The following SLC6A3 variants were observed in gnomAD, a reference collection of about 807,000 sequenced individuals.
SLC6A3 encodes solute carrier family 6 member 3.
Under a neutral mutation model 70.4 loss-of-function variants are expected in SLC6A3, and 19 were observed. The observed-to-expected ratio is 0.27, with a 90% CI of 0.19 to 0.40. The LOEUF is 0.40. SLC6A3 is among the 10% of genes least tolerant of loss of function. SLC6A3 has a pLI of 1.00. For synonymous variants in SLC6A3, 368 were observed against 356.6 expected (o/e 1.03, Z -0.36); for missense variants, 613 against 838.5 (o/e 0.73, Z 3.32).
chr5:1,405,269 A>G lies in SLC6A3; in HGVS notation c.1599+919T>C, dbSNP rs538519612. Reference sequence around the variant, plus strand: ...TCCTCCGGGATAGGGCCTGTCTCTCATCTCTTTCCTGTACCCCGGAACCCC... The same window carrying G: ...TCCTCCGGGATAGGGCCTGTCTCTCGTCTCTTTCCTGTACCCCGGAACCCC... On this transcript the variant is annotated intron_variant, in intron 12 of 14. Transcript: ENST00000270349. The surrounding 1 kb of genome is among the most constrained non-coding windows in gnomAD (Gnocchi z 5.3). 3.9e-5 allele frequency among the ~76,000 whole-genome samples: 6 copies of G among 152,218 alleles called. No individual in the cohort carries two copies. The highest frequency in any genetic ancestry group is 1.4e-4 in the African/African-American group (6 of 41,542).
chr5:1,410,879 T>C (rs1756103316), intron 9 of SLC6A3, among the ~76,000 whole-genome samples: 1 of 151,918 alleles, frequency 6.6e-6, no homozygotes, highest in African/African-American at 2.4e-5. Flanking sequence ...TGCATGTGTG[T>C]ATGTGTGTGC....
At chr5:1,423,948 C>T (rs1167688757) in intron 4 of SLC6A3, among the ~76,000 whole-genome samples, 3 of 152,218 alleles carry the variant, frequency 2.0e-5, no homozygotes, top group Admixed American at 2.0e-4. Context: ...GGAGCCCGGC[C>T]GAATGCAGCC....
chr5:1,409,221 C>T, intron 10 of SLC6A3, 96 bp from the exon 11 acceptor site: 2 of 895,814 alleles, frequency 2.2e-6, no homozygotes, highest in Non-Finnish European at 3.6e-6. Flanking sequence ...GTTTCACTCA[C>T]TGCAAAACTC....
intron 4 of SLC6A3, among the ~76,000 whole-genome samples, chr5:1,427,156 T>C (rs575840430): frequency 2.8e-4 from 42 of 152,374 alleles, no homozygotes; most frequent in African/African-American, 9.6e-4. Context: ...AAAACATTTC[T>C]TTGTTAGATT....
rs949419603 is a variant in SLC6A3 at position 1,437,175 on chromosome 5, C to T, written c.418+4184G>A. ...CTGGGGCAGGAGAATCGCTTGAACC[C>T]GGGACGCGCAGGTGACAGTGAGCCA... On this transcript the variant is annotated intron_variant, in intron 3 of 14. Coordinates refer to ENST00000270349, the MANE Select transcript of SLC6A3 (RefSeq NM_001044.5). The surrounding 1 kb of genome is among the most constrained non-coding windows in gnomAD (Gnocchi z 4.8). Among the ~76,000 whole-genome samples, 5 of 151,592 alleles carry T rather than the reference C, an allele frequency of 3.3e-5. No individual in the cohort carries two copies. The highest frequency in any genetic ancestry group is 6.6e-5 in the Admixed American group (1 of 15,244).
At position 1,406,122 on chromosome 5, in the gene SLC6A3, G is replaced by A. The variant is rs765641645; in HGVS notation, c.1599+66C>T. On this transcript the variant is annotated intron_variant, in intron 12 of 14. Coordinates refer to ENST00000270349, the MANE Select transcript of SLC6A3 (RefSeq NM_001044.5). This position sits in a 1 kb window ranked among gnomAD's most constrained non-coding sequence, Gnocchi z 8.8. ...AACCCACATGCGGGCGCTGGACCTCGGGGCAGGTGCCAGAGTGGGGGCAGT... is the reference window on the plus strand; with the variant it reads ...AACCCACATGCGGGCGCTGGACCTCAGGGCAGGTGCCAGAGTGGGGGCAGT... 2.4e-5 allele frequency: 29 copies of A among 1,204,084 alleles called. No individual in the cohort carries two copies. The East Asian group carries it at 2.8e-4, about 12-fold the overall frequency. The allele number at this position is 1,204,084 out of a possible 1,614,324, so 74.6% of individuals were successfully genotyped here. A position where few individuals can be genotyped will look rare whatever the true frequency, so the allele number is the denominator to read the frequency against.
In SLC6A3 at chr5:1,442,383, T is replaced by C. The variant is rs1161831029; in HGVS notation, c.286+529A>G. On this transcript the variant is annotated intron_variant, in intron 2 of 14. Transcript: ENST00000270349. This position sits in a 1 kb window ranked among gnomAD's most constrained non-coding sequence, Gnocchi z 5.0. ...AGGCTGGGAGGCCCAAAGAGGCTCCTGGGAAGGGATCACCAATGTTCTTGG... is the reference window on the plus strand; with the variant it reads ...AGGCTGGGAGGCCCAAAGAGGCTCCCGGGAAGGGATCACCAATGTTCTTGG... Among the ~76,000 whole-genome samples the C allele has an allele frequency of 6.6e-6, 1 of 152,064 alleles. No individual in the cohort carries two copies. Among genetic ancestry groups the C allele is most frequent in the Admixed American group, 6.5e-5 (1 of 15,284 alleles).
rs753423546 is a variant in SLC6A3, at chr5:1,420,676, A to T, written c.820T>A (p.Tyr274Asn). 1 of 1,613,596 alleles carries T rather than the reference A, an allele frequency of 6.2e-7. No individual in the cohort carries two copies. The highest frequency in any genetic ancestry group is 8.5e-7 in the Non-Finnish European group (1 of 1,179,932). ...KVVWITATMP[Y>N]VVLTALLLRG... ...AGGAGCAGGGCAGTGAGGACCACGT[A>T]TGGCATGGTGGCTGTGATCCATACC... The change falls in exon 6 of 15, where the codon TAC becomes AAC. Residue 274 changes from tyrosine (Y) to asparagine (N), a missense_variant. Tyr to Asn is a moderately radical substitution (Grantham distance 143). This residue lies in a region of SLC6A3 where 348 missense variants were observed against 481.2 expected (regional missense o/e 0.72). Transcript: ENST00000270349.
intron 4 of SLC6A3, among the ~76,000 whole-genome samples, chr5:1,431,379 G>A (rs1292596116): frequency 6.6e-6 from 1 of 152,228 alleles, no homozygotes; most frequent in African/African-American, 2.4e-5. Flanking sequence ...GGGCGGGCCT[G>A]GCCTGGGTGG....
chr5:1,441,882 C>T (rs28382225), intron 2 of SLC6A3, among the ~76,000 whole-genome samples: 3 of 152,098 alleles, frequency 2.0e-5, no homozygotes, highest in African/African-American at 4.8e-5. Flanking sequence ...AATCTGTGAC[C>T]CCCCAACTCT....
At chr5:1,416,857 CAT>C (rs1756308789) in intron 6 of SLC6A3, among the ~76,000 whole-genome samples, 1 of 152,048 alleles carries the variant, frequency 6.6e-6, no homozygotes, top group African/African-American at 2.4e-5. Flanking sequence ...CTCATCCACA[CAT>C]GACATGACCG....
intron 14 of SLC6A3, among the ~76,000 whole-genome samples, chr5:1,398,792 T>A (rs1379566693): frequency 6.6e-6 from 1 of 152,210 alleles, no homozygotes; most frequent in Non-Finnish European, 1.5e-5. Context: ...CAGGAAGAGA[T>A]GATCATTCTG....
At position 1,420,267 on chromosome 5, in the gene SLC6A3, T is replaced by A. The variant is rs28382246; in HGVS notation, c.927+302A>T. ...TTTCTCCTCCCTTTCTGGACAAGGG[T>A]CCCATCCCCCATGGCCCAGCTGAGT... is the stretch of plus-strand genomic sequence containing the variant. On this transcript the variant is annotated intron_variant, in intron 6 of 14. Transcript: ENST00000270349. Among the ~76,000 whole-genome samples, 31,697 of 152,040 alleles carry A rather than the reference T, an allele frequency of 0.21. 3,409 individuals carry two copies. Among genetic ancestry groups the A allele is most frequent in the South Asian group, 0.28 (1,368 of 4,808 alleles).
chr5:1,441,651 A>G (rs1733673452), intron 2 of SLC6A3, among the ~76,000 whole-genome samples, 161 bp from the exon 3 acceptor site: 1 of 152,166 alleles, frequency 6.6e-6, no homozygotes, highest in Non-Finnish European at 1.5e-5. Context: ...TGAGTCCCGA[A>G]GCCCGCCCTC....
chr5:1,443,331 C>T, intron 1 of SLC6A3, 89 bp from the exon 2 acceptor site: 1 of 1,036,062 alleles, frequency 9.7e-7, no homozygotes, highest in South Asian at 1.3e-5. Context: ...GAGGGCAGAG[C>T]CCCGAGGCAT....
Position 1,438,745 on chromosome 5 carries a change from G to T in SLC6A3, c.418+2614C>A, listed in dbSNP as rs1756899812. On this transcript the variant is annotated intron_variant, in intron 3 of 14. Coordinates refer to ENST00000270349, the MANE Select transcript of SLC6A3 (RefSeq NM_001044.5). The surrounding 1 kb of genome is among the most constrained non-coding windows in gnomAD (Gnocchi z 6.5). ...ACACCAGGCTCACTGGCGGGAGTGG[G>T]GCACAGGGCTGTGCCTTGTAAGACA... Among the ~76,000 whole-genome samples the T allele has an allele frequency of 6.6e-6, 1 of 152,216 alleles. No homozygotes were observed. The highest frequency in any genetic ancestry group is 2.4e-5 in the African/African-American group (1 of 41,466).
At chr5:1,432,951 C>T (rs1054738966) in intron 3 of SLC6A3, among the ~76,000 whole-genome samples, 1 of 152,210 alleles carries the variant, frequency 6.6e-6, no homozygotes, top group Admixed American at 6.5e-5. Flanking sequence ...CAAGGACTTT[C>T]AGGGTGTCTC....
chr5:1,413,683 C>T lies in SLC6A3; in HGVS notation c.1156+1008G>A, dbSNP rs146593311. Among the ~76,000 whole-genome samples the T allele has an allele frequency of 5.0e-4, 76 of 152,264 alleles. No homozygotes were observed. Among genetic ancestry groups the T allele is most frequent in the African/African-American group, 1.4e-3 (57 of 41,546 alleles). On this transcript the variant is annotated intron_variant, in intron 8 of 14. Transcript: ENST00000270349. This position sits in a 1 kb window ranked among gnomAD's most constrained non-coding sequence, Gnocchi z 7.1. ...ACCCAACCCAGGCCCGTGTCTGGAGCGAAAGGGCCTCCTCCACATCCATGT... is the reference window on the plus strand; with the variant it reads ...ACCCAACCCAGGCCCGTGTCTGGAGTGAAAGGGCCTCCTCCACATCCATGT...
In SLC6A3 at chr5:1,423,242, A is replaced by ACAG. The variant is rs1756500605; in HGVS notation, c.654-1229_654-1228insCTG. Reference sequence around the variant, plus strand: ...CCCACCGCTGCCCACGGTGCTGCCCATGGTGCTGGGTACCCACTGCTGCCC... The same window carrying ACAG: ...CCCACCGCTGCCCACGGTGCTGCCCACAGTGGTGCTGGGTACCCACTGCTGCCC... On this transcript the variant is annotated intron_variant, in intron 4 of 14. Coordinates refer to ENST00000270349, the MANE Select transcript of SLC6A3 (RefSeq NM_001044.5). Among the ~76,000 whole-genome samples the ACAG allele has an allele frequency of 6.3e-5, 7 of 111,538 alleles. 2 individuals carry two copies. The highest frequency in any genetic ancestry group is 1.0e-4 in the African/African-American group (3 of 29,468). The allele number at this position is 111,538 out of a possible 152,430, so 73.2% of individuals were successfully genotyped here.
Sources: gnomAD v4.1 joint callset for allele counts (sites outside exome capture counted in the v4.1 genomes callset) on GRCh38, gnomAD v4.1.1 for gene constraint, gnomAD v4.1.1 regional missense constraint, Gnocchi (gnomAD v3.1) non-coding constraint, MANE v1.5 for transcripts, NCBI Gene and HGNC (gene_info 2026-07-23, HGNC 2026-07-21) for gene names.